The following PAM variants were observed in gnomAD, a reference collection of about 807,000 sequenced individuals.
PAM encodes peptidylglycine alpha-amidating monooxygenase, also known as peptidyl-glycine alpha-amidating monooxygenase.
Under a neutral mutation model 122.1 loss-of-function variants are expected in PAM, and 72 were observed. The ratio of observed to expected loss-of-function variants is 0.59; its 90% CI spans 0.49 to 0.72. The LOEUF is 0.72. Ranked by LOEUF, PAM falls within the 30% of genes least tolerant of loss-of-function variation. The probability of loss-of-function intolerance (pLI) is 0.00; values close to 1 mark genes in which losing one functional copy is unlikely to be tolerated. For synonymous variants in PAM, 389 were observed against 404.4 expected (o/e 0.96, Z 0.46); for missense variants, 1,106 against 1,183.7 (o/e 0.93, Z 0.96).
chr5:103,031,055 A>G (rs531782113), downstream of PAM: 1 of 152,310 alleles, frequency 6.6e-6, no homozygotes, highest in East Asian at 1.9e-4. Flanking sequence ...AATGTGTTAA[A>G]TTGGATAATT....
At chr5:102,881,129 TACACACACAC>T (rs34434423) in intron 3 of PAM, among the ~76,000 whole-genome samples, 1 of 145,710 alleles carries the variant, frequency 6.9e-6, no homozygotes, top group Non-Finnish European at 1.5e-5. Flanking sequence ...TTTTTATACA[TACACACACAC>T]ACACACACAC....
chr5:102,846,010 A>G (rs1368304358), intron 1 of PAM, among the ~76,000 whole-genome samples: 1 of 152,192 alleles, frequency 6.6e-6, no homozygotes, highest in Non-Finnish European at 1.5e-5. Flanking sequence ...TCAGGCCTGA[A>G]GTATATACTA....
intron 1 of PAM, among the ~76,000 whole-genome samples, chr5:102,758,757 G>C (rs1751411838): frequency 6.6e-6 from 1 of 152,162 alleles, no homozygotes; most frequent in Non-Finnish European, 1.5e-5. Context: ...TAATCCATGT[G>C]TGGTTCTTAG....
chr5:102,842,205 A>AATATATATATATATATAT (rs71226933), intron 1 of PAM, among the ~76,000 whole-genome samples: 133 of 143,026 alleles, frequency 9.3e-4, no homozygotes, highest in African/African-American at 3.3e-3. Context: ...ATACAACCTA[A>AATATATATATATATATAT]ATATATATAT....
intron 1 of PAM, among the ~76,000 whole-genome samples, chr5:102,797,857 C>A (rs185911488): frequency 2.3e-3 from 344 of 152,196 alleles, no homozygotes; most frequent in Admixed American, 6.5e-3. Flanking sequence ...ACTACTACTA[C>A]TAATAATAAC....
chr5:102,792,506 C>A (rs1219304541), intron 1 of PAM, among the ~76,000 whole-genome samples: 2 of 152,042 alleles, frequency 1.3e-5, no homozygotes, highest in Non-Finnish European at 2.9e-5. Context: ...TTTTTGGTTG[C>A]CTTTGGGCAC....
At chr5:102,982,731 C>T (rs182402519) in intron 15 of PAM, among the ~76,000 whole-genome samples, 2 of 152,228 alleles carry the variant, frequency 1.3e-5, no homozygotes, top group Admixed American at 6.5e-5. Context: ...AACATTTTTC[C>T]TTATGAAACC....
intron 1 of PAM, among the ~76,000 whole-genome samples, chr5:102,843,930 T>A (rs917951934): frequency 6.6e-6 from 1 of 152,154 alleles, no homozygotes; most frequent in Non-Finnish European, 1.5e-5. Context: ...TACAACAATG[T>A]TGGAAAAAAG....
At chr5:102,987,757 T>C (rs1398718178) in intron 15 of PAM, among the ~76,000 whole-genome samples, 1 of 152,172 alleles carries the variant, frequency 6.6e-6, no homozygotes, top group Non-Finnish European at 1.5e-5. Context: ...TGATAGATGA[T>C]AGATACTGTT....
chr5:102,918,187 G>A (rs1178158353), intron 5 of PAM, among the ~76,000 whole-genome samples: 3 of 152,156 alleles, frequency 2.0e-5, no homozygotes, highest in Non-Finnish European at 4.4e-5. Context: ...GACAGTACCT[G>A]TCAGATGTAA....
intron 3 of PAM, among the ~76,000 whole-genome samples, 170 bp downstream of exon 3, chr5:102,867,563 A>G (rs1786005678): frequency 6.6e-6 from 1 of 152,250 alleles, no homozygotes; most frequent in Non-Finnish European, 1.5e-5. Flanking sequence ...TAAGTCTTTC[A>G]AGGTGAATCT....
At chr5:102,760,590 A>G (rs923009835) in intron 1 of PAM, among the ~76,000 whole-genome samples, 1 of 152,240 alleles carries the variant, frequency 6.6e-6, no homozygotes, top group African/African-American at 2.4e-5. Context: ...AGGCTAGTGG[A>G]TACTGTACTG....
chr5:102,767,223 A>G (rs540383356), intron 1 of PAM, among the ~76,000 whole-genome samples: 1 of 151,884 alleles, frequency 6.6e-6, no homozygotes, highest in South Asian at 2.1e-4. Flanking sequence ...ATCAGTTTTC[A>G]TTTTGTTTTT....
chr5:102,799,360 C>G (rs116214693), intron 1 of PAM, among the ~76,000 whole-genome samples: 1 of 152,208 alleles, frequency 6.6e-6, no homozygotes, highest in Non-Finnish European at 1.5e-5. Context: ...GTATCAGGCT[C>G]AGGTGGAAAG....
chr5:102,887,398 C>G (rs1236831219), intron 3 of PAM, among the ~76,000 whole-genome samples: 2 of 151,972 alleles, frequency 1.3e-5, no homozygotes, highest in Non-Finnish European at 2.9e-5. Context: ...CCAGATGCAG[C>G]TACCGAATCT....
intron 7 of PAM, among the ~76,000 whole-genome samples, chr5:102,945,267 T>C (rs974622424): frequency 1.3e-5 from 2 of 151,992 alleles, no homozygotes; most frequent in Non-Finnish European, 2.9e-5. Flanking sequence ...GAGCACTTCG[T>C]TGAAAACTGA....
At chr5:102,822,389 C>T (rs542400491) in intron 1 of PAM, among the ~76,000 whole-genome samples, 3 of 152,222 alleles carry the variant, frequency 2.0e-5, no homozygotes, top group South Asian at 4.1e-4. Context: ...CACCGACGAG[C>T]ACATACACGC....
At chr5:102,908,696 A>T (rs564465069) in intron 4 of PAM, among the ~76,000 whole-genome samples, 2 of 151,616 alleles carry the variant, frequency 1.3e-5, no homozygotes, top group South Asian at 4.2e-4. Flanking sequence ...CTGCATATGT[A>T]CCCTAAAACT....
chr5:102,946,755 A>G (rs769697016), intron 7 of PAM, 82 bp from the exon 8 acceptor site: 9 of 809,822 alleles, frequency 1.1e-5, no homozygotes, highest in Non-Finnish European at 1.3e-5. Flanking sequence ...ATATTTGGTT[A>G]TAATCATTTC....
Sources: gnomAD v4.1 joint callset for allele counts (sites outside exome capture counted in the v4.1 genomes callset) on GRCh38, gnomAD v4.1.1 for gene constraint, MANE v1.5 for transcripts, NCBI Gene and HGNC (gene_info 2026-07-23, HGNC 2026-07-21) for gene names.